Variants in CAMSAP1 observed in about 807,000 individuals in gnomAD.
The protein encoded by CAMSAP1 is calmodulin-regulated spectrin-associated protein 1.
Under a neutral mutation model 143.5 loss-of-function variants are expected in CAMSAP1, and 58 were observed. The observed-to-expected ratio is 0.40, with a 90% CI of 0.33 to 0.50. The LOEUF is 0.50. Among genes scored for constraint, CAMSAP1 ranks in the 20% least tolerant of loss-of-function variants. CAMSAP1 has a pLI of 0.45. For synonymous variants in CAMSAP1, 945 were observed against 859.3 expected (o/e 1.10, Z -1.74); for missense variants, 1,969 against 2,115.7 (o/e 0.93, Z 1.36).
At chr9:135,893,315 AG>A (rs1180976897) in intron 1 of CAMSAP1, among the ~76,000 whole-genome samples, 3 of 151,906 alleles carry the variant, frequency 2.0e-5, no homozygotes, top group Non-Finnish European at 4.4e-5. Flanking sequence ...AAGAAAGAAA[AG>A]AAAAGGAGAA....
At chr9:135,856,465 T>C (rs575736610) in intron 5 of CAMSAP1, among the ~76,000 whole-genome samples, 1 of 152,244 alleles carries the variant, frequency 6.6e-6, no homozygotes, top group Admixed American at 6.5e-5. Flanking sequence ...AAGAAGAGAT[T>C]TAGGTAGGGA....
chr9:135,907,167 C>CA lies in CAMSAP1; in HGVS notation c.-9dup. The CA allele has an allele frequency of 9.2e-6, 10 of 1,090,592 alleles. No homozygotes were observed. In the South Asian group the frequency reaches 4.3e-4, roughly 47 times the overall value. The allele number at this position is 1,090,592 out of a possible 1,614,324, so 67.6% of individuals were successfully genotyped here. On this transcript the variant is annotated 5_prime_UTR_variant, in exon 1 of 17. Transcript: ENST00000389532. Reference sequence around the variant, plus strand: ...GCCGCTCGCGTCCACCATCTGCAGACAAAGGGCTGAGGCGGCGGCCCGGCC... The same window carrying CA: ...GCCGCTCGCGTCCACCATCTGCAGACAAAAGGGCTGAGGCGGCGGCCCGGCC...
chr9:135,812,456 C>T (rs1174537532), intron 16 of CAMSAP1, among the ~76,000 whole-genome samples: 2 of 152,138 alleles, frequency 1.3e-5, no homozygotes, highest in African/African-American at 4.8e-5. Flanking sequence ...ATGCCCAGAA[C>T]AGGCAAATCC....
chr9:135,813,465 G>A (rs1835123648), intron 16 of CAMSAP1, among the ~76,000 whole-genome samples: 1 of 152,194 alleles, frequency 6.6e-6, no homozygotes, highest in African/African-American at 2.4e-5. Context: ...CCTACTCACT[G>A]TGTTTAAATA....
chr9:135,829,848 G>T (rs1047922885), intron 7 of CAMSAP1, among the ~76,000 whole-genome samples: 1 of 88,806 alleles, frequency 1.1e-5, no homozygotes, highest in South Asian at 3.9e-4. Context: ...GCGAGACTCT[G>T]TCATAAATAA....
At chr9:135,862,710 C>G in intron 4 of CAMSAP1, 102 bp from the exon 5 acceptor site, 2 of 1,199,280 alleles carry the variant, frequency 1.7e-6, no homozygotes, top group Non-Finnish European at 1.2e-6. Context: ...TAACGCCTAA[C>G]AGACAACATG....
Position 135,821,926 on chromosome 9 carries a change from T to C in CAMSAP1, c.2735A>G (p.Lys912Arg). The C allele has an allele frequency of 5.6e-6, 9 of 1,613,312 alleles. No individual in the cohort carries two copies. Among genetic ancestry groups the C allele is most frequent in the Middle Eastern group, 1.7e-4 (1 of 6,060 alleles). Reference sequence around the variant, plus strand: ...CTTCACCACATGCAGGAATGCAGCCTTGCCGAGCTTCAGGCGCTGCCTTGC... The same window carrying C: ...CTTCACCACATGCAGGAATGCAGCCCTGCCGAGCTTCAGGCGCTGCCTTGC... ...LSARQRLKLG[K>R]AAFLHVVKKG... is the part of the protein sequence containing the mutation. Residue 912 changes from lysine to arginine, a missense_variant, in exon 11 of 17, where the codon AAG becomes AGG. Around this residue, in one of 4 missense-constraint regions of CAMSAP1, gnomAD observed 1,390 missense variants for 1,420.8 expected, o/e 0.98. Coordinates refer to ENST00000389532, the MANE Select transcript of CAMSAP1 (RefSeq NM_015447.4). This position sits in a 1 kb window ranked among gnomAD's most constrained non-coding sequence, Gnocchi z 4.6.
chr9:135,824,946 C>T lies in CAMSAP1; in HGVS notation c.1224-66G>A. 8.1e-7 allele frequency: 1 copy of T among 1,238,470 alleles called. No individual in the cohort carries two copies. The highest frequency in any genetic ancestry group is 1.1e-6 in the Non-Finnish European group (1 of 872,446). 76.7% of individuals were successfully genotyped at this position (1,238,470 alleles called of 1,614,324 possible). On this transcript the variant is annotated intron_variant, in intron 8 of 16. Coordinates refer to ENST00000389532, the MANE Select transcript of CAMSAP1 (RefSeq NM_015447.4). This position sits in a 1 kb window ranked among gnomAD's most constrained non-coding sequence, Gnocchi z 4.1. ...CAAACTTCAAGGTCAACAGCAAATG[C>T]ACAAGTGTACAGGACCATCCTGAAT...
intron 1 of CAMSAP1, among the ~76,000 whole-genome samples, chr9:135,898,847 T>G (rs115521545): frequency 0.012 from 1,891 of 152,306 alleles, 32 homozygotes; most frequent in African/African-American, 0.042. Flanking sequence ...CACCCAGTAA[T>G]CCCAAGCACA....
intron 7 of CAMSAP1, chr9:135,849,862 TTTTTTTCAGTTTG>T: frequency 3.4e-6 from 1 of 292,226 alleles, no homozygotes; most frequent in Non-Finnish European, 6.4e-6. Flanking sequence ...AAACATTTTT[TTTTTTTCAGTTTG>T]TTCATTCTGG....
At position 135,821,622 on chromosome 9, in the gene CAMSAP1, C is replaced by G; in HGVS notation, c.3039G>C (p.Glu1013Asp). ...GGTCACATTCATTCACGTCGACAAC[C>G]TCCCCAACAGTGTCCTCCAGGAGGG... ...SAALLEDTVG[E>D]VVDVNECDLS... Residue 1013 changes from glutamate to aspartate, a missense_variant, in exon 11 of 17, where the codon GAG becomes GAC. Glu to Asp is a conservative substitution (Grantham distance 45, BLOSUM62 2). Around this residue, in one of 4 missense-constraint regions of CAMSAP1, gnomAD observed 1,390 missense variants for 1,420.8 expected, o/e 0.98. Coordinates refer to ENST00000389532, the MANE Select transcript of CAMSAP1 (RefSeq NM_015447.4). The surrounding 1 kb of genome is among the most constrained non-coding windows in gnomAD (Gnocchi z 4.6). 1 of 1,613,918 alleles carries G rather than the reference C, an allele frequency of 6.2e-7. No individual in the cohort carries two copies. Among genetic ancestry groups the G allele is most frequent in the East Asian group, 2.2e-5 (1 of 44,898 alleles).
intron 15 of CAMSAP1, 51 bp from the exon 16 acceptor site, chr9:135,815,266 C>A: frequency 7.9e-7 from 1 of 1,265,882 alleles, no homozygotes; most frequent in Non-Finnish European, 1.1e-6. Context: ...GGCACGAACA[C>A]ACACAAAAAA....
chr9:135,891,863 A>G (rs2131007873), intron 1 of CAMSAP1, among the ~76,000 whole-genome samples: 1 of 152,334 alleles, frequency 6.6e-6, no homozygotes, highest in East Asian at 1.9e-4. Flanking sequence ...TAAAAACTAG[A>G]ACGAAAATTT....
intron 4 of CAMSAP1, among the ~76,000 whole-genome samples, chr9:135,863,348 C>A (rs1837264785): frequency 6.6e-6 from 1 of 152,230 alleles, no homozygotes; most frequent in African/African-American, 2.4e-5. Context: ...CCACTGAGGG[C>A]AGGACACTCA....
At chr9:135,896,173 C>G (rs1838444527) in intron 1 of CAMSAP1, among the ~76,000 whole-genome samples, 1 of 152,030 alleles carries the variant, frequency 6.6e-6, no homozygotes, top group African/African-American at 2.4e-5. Context: ...AAATACACTT[C>G]AAATTCAACA....
In CAMSAP1 at chr9:135,818,185, C is replaced by G. The variant is rs538082174; in HGVS notation, c.4169-106G>C. 18 of 1,257,430 alleles carry G rather than the reference C, an allele frequency of 1.4e-5. 1 individual carries two copies. The South Asian group carries it at 2.5e-4, about 17-fold the overall frequency. The allele number at this position is 1,257,430 out of a possible 1,614,324, so 77.9% of individuals were successfully genotyped here. On this transcript the variant is annotated intron_variant, in intron 13 of 16. Transcript: ENST00000389532. The surrounding 1 kb of genome is among the most constrained non-coding windows in gnomAD (Gnocchi z 7.7). ...CCTCGCCCTGCAGAGCTCGGCCACA[C>G]AGGCCGCGTCCCCACCCCATCCCGG...
intron 1 of CAMSAP1, among the ~76,000 whole-genome samples, chr9:135,889,536 G>A (rs1838226124): frequency 6.6e-6 from 1 of 152,236 alleles, no homozygotes; most frequent in African/African-American, 2.4e-5. Context: ...TCCCAGCAAA[G>A]AGAAGCCCCA....
intron 8 of CAMSAP1, among the ~76,000 whole-genome samples, chr9:135,827,030 T>C (rs1312722824): frequency 6.6e-6 from 1 of 152,226 alleles, no homozygotes; most frequent in African/African-American, 2.4e-5. Context: ...TTCACAATAC[T>C]TGAAATGCAA....
intron 7 of CAMSAP1, among the ~76,000 whole-genome samples, chr9:135,835,319 G>A (rs548820118): frequency 9.9e-5 from 15 of 152,106 alleles, no homozygotes; most frequent in South Asian, 2.1e-4. Flanking sequence ...CCCCGTGGTC[G>A]CCCCCTTCAG....
Sources: gnomAD v4.1 joint callset for allele counts (sites outside exome capture counted in the v4.1 genomes callset) on GRCh38, gnomAD v4.1.1 for gene constraint, gnomAD v4.1.1 regional missense constraint, Gnocchi (gnomAD v3.1) non-coding constraint, MANE v1.5 for transcripts, NCBI Gene and HGNC (gene_info 2026-07-23, HGNC 2026-07-21) for gene names.